The following HERC1 variants were observed in gnomAD, a reference collection of about 807,000 sequenced individuals.
HERC1 encodes HECT and RLD domain containing E3 ubiquitin protein ligase family member 1, also known as probable E3 ubiquitin-protein ligase HERC1.
Under a neutral mutation model 554.3 loss-of-function variants are expected in HERC1, and 160 were observed. That is an observed-to-expected ratio of 0.29 (90% CI 0.25 to 0.33). HERC1 has a LOEUF of 0.33. Ranked by LOEUF, HERC1 falls within the 10% of genes least tolerant of loss-of-function variation. HERC1 has a pLI of 1.00. For missense variants in HERC1, 4,919 were observed against 5,918.5 expected, an observed-to-expected ratio of 0.83 and a Z score of 5.54; for synonymous variants, 2,175 against 2,131.7, an observed-to-expected ratio of 1.02 and a Z score of -0.56.
chr15:63,772,122 CA>C (rs34321094), intron 2 of HERC1, among the ~76,000 whole-genome samples: 87 of 129,468 alleles, frequency 6.7e-4, no homozygotes, highest in Admixed American at 1.2e-3. Flanking sequence ...AACTCCATCT[CA>C]AAAAAAAAAA....
intron 12 of HERC1, among the ~76,000 whole-genome samples, chr15:63,736,050 C>T (rs996922867): frequency 6.6e-6 from 1 of 152,004 alleles, no homozygotes; most frequent in Non-Finnish European, 1.5e-5. Flanking sequence ...GTCAAAAAGA[C>T]CCCCCTCCCC....
At chr15:63,732,206 G>A (rs1239840236) in intron 14 of HERC1, among the ~76,000 whole-genome samples, 3 of 151,996 alleles carry the variant, frequency 2.0e-5, no homozygotes, top group African/African-American at 7.3e-5. Context: ...TCACCATATC[G>A]GCCAGGCTGG....
intron 64 of HERC1, 109 bp from the exon 65 acceptor site, chr15:63,636,251 G>T: frequency 7.3e-6 from 6 of 817,636 alleles, no homozygotes; most frequent in Non-Finnish European, 1.1e-5. Context: ...TTGGTACTAT[G>T]AAAATAAGAA....
At chr15:63,825,805 C>A (rs1339123203) in intron 1 of HERC1, among the ~76,000 whole-genome samples, 3 of 151,946 alleles carry the variant, frequency 2.0e-5, no homozygotes, top group African/African-American at 7.3e-5. Flanking sequence ...GTTCTTGTCC[C>A]CCAGGCTGAG....
chr15:63,708,668 A>T (rs1291661796), intron 24 of HERC1, among the ~76,000 whole-genome samples: 1 of 152,258 alleles, frequency 6.6e-6, no homozygotes, highest in African/African-American at 2.4e-5. Flanking sequence ...TAAAACAAAG[A>T]TTTAACATTA....
At chr15:63,820,571 G>A (rs1368734277) in intron 1 of HERC1, among the ~76,000 whole-genome samples, 4 of 152,016 alleles carry the variant, frequency 2.6e-5, no homozygotes, top group African/African-American at 9.7e-5. Context: ...TATGGTACAG[G>A]GACTAAGGTC....
intron 12 of HERC1, among the ~76,000 whole-genome samples, chr15:63,744,578 T>C (rs780216121): frequency 6.6e-6 from 1 of 152,158 alleles, no homozygotes; most frequent in Non-Finnish European, 1.5e-5. Flanking sequence ...TCTTTTTCAC[T>C]TGTGCCTCCC....
intron 40 of HERC1, among the ~76,000 whole-genome samples, chr15:63,668,703 G>A (rs2070759620): frequency 6.6e-6 from 1 of 152,096 alleles, no homozygotes; most frequent in South Asian, 2.1e-4. Flanking sequence ...CATAATAACA[G>A]AAGGTCTATT....
chr15:63,683,590 A>T (rs1249664413), intron 34 of HERC1, among the ~76,000 whole-genome samples: 2 of 152,218 alleles, frequency 1.3e-5, no homozygotes, highest in Admixed American at 6.5e-5. Flanking sequence ...AGAGCTTAGA[A>T]AAGCCTTGTT....
At chr15:63,642,334 TGAGA>T (rs1361148905) in intron 59 of HERC1, among the ~76,000 whole-genome samples, 3 of 152,190 alleles carry the variant, frequency 2.0e-5, no homozygotes, top group Non-Finnish European at 4.4e-5. Flanking sequence ...AAAAATTGTT[TGAGA>T]GAGTTTTTTT....
Position 63,734,552 on chromosome 15 carries a change from C to A in HERC1, c.2646+172G>T. ...AGCCCCAAATAACTTAATAAATTAT[C>A]ACTTGCTTCACCTAAGGTTGTTAAG... On this transcript the variant is annotated intron_variant, in intron 13 of 77. Transcript: ENST00000443617. The surrounding 1 kb of genome is among the most constrained non-coding windows in gnomAD (Gnocchi z 4.6). The A allele has an allele frequency of 2.2e-6, 1 of 447,034 alleles. No individual in the cohort carries two copies. Among genetic ancestry groups the A allele is most frequent in the Non-Finnish European group, 3.9e-6 (1 of 256,140 alleles). 27.7% of individuals were successfully genotyped at this position (447,034 alleles called of 1,614,324 possible).
Position 63,833,920 on chromosome 15 carries a change from AG to A in HERC1, c.-121del, listed in dbSNP as rs2078263899. On this transcript the variant is annotated 5_prime_UTR_variant, in exon 1 of 78. Coordinates refer to ENST00000443617, the MANE Select transcript of HERC1 (RefSeq NM_003922.4). ...CGGTCGCGTCCTTTATTTTTGCTGC[AG>A]CAGCAGCGACTTGTCAAAGGGAAAG... The A allele has an allele frequency of 6.5e-6, 1 of 152,700 alleles. No individual in the cohort carries two copies. The highest frequency in any genetic ancestry group is 1.9e-4 in the South Asian group (1 of 5,170). The allele number at this position is 152,700 out of a possible 1,614,324, so 9.5% of individuals were successfully genotyped here.
Position 63,756,200 on chromosome 15 carries a change from G to C in HERC1, c.1533+237C>G, listed in dbSNP as rs2075415382. On this transcript the variant is annotated intron_variant, in intron 5 of 77. Coordinates refer to ENST00000443617, the MANE Select transcript of HERC1 (RefSeq NM_003922.4). This position sits in a 1 kb window ranked among gnomAD's most constrained non-coding sequence, Gnocchi z 5.0. ...TTGTTAAATGAATGACTCTCAGTTT[G>C]CTTATCTGTGAAATAGGGATAATAA... 6.6e-6 allele frequency among the ~76,000 whole-genome samples: 1 copy of C among 152,106 alleles called. No individual in the cohort carries two copies. Among genetic ancestry groups the C allele is most frequent in the African/African-American group, 2.4e-5 (1 of 41,422 alleles).
chr15:63,723,249 T>C lies in HERC1; in HGVS notation c.3675A>G (p.Ala1225=). ...GGGCAGGCTCTTTAGAACAACCCAA[T>C]GCCAAGTCTACATAGACAGCAATTT... ...RPEIAVYVDL[A]LGCSKEPARS... Residue 1225 remains alanine (A), a synonymous_variant, in exon 19 of 78, where the codon GCA becomes GCG. Coordinates refer to ENST00000443617, the MANE Select transcript of HERC1 (RefSeq NM_003922.4). The C allele has an allele frequency of 1.9e-6, 3 of 1,600,456 alleles. No homozygotes were observed. The South Asian group carries it at 3.4e-5, about 18-fold the overall frequency.
At chr15:63,696,975 T>C (rs2072454602) in intron 26 of HERC1, among the ~76,000 whole-genome samples, 1 of 151,562 alleles carries the variant, frequency 6.6e-6, no homozygotes, top group African/African-American at 2.4e-5. Context: ...ATTTTAGATA[T>C]ACAGAAAAGT....
chr15:63,789,666 C>T (rs997058141), intron 1 of HERC1, among the ~76,000 whole-genome samples: 3 of 151,496 alleles, frequency 2.0e-5, no homozygotes, highest in African/African-American at 7.3e-5. Flanking sequence ...GGCGTTGTGG[C>T]GGGCACCTGT....
In HERC1 at chr15:63,667,326, T is replaced by C. The variant is rs1030211359; in HGVS notation, c.8207-854A>G. Among the ~76,000 whole-genome samples the C allele has an allele frequency of 4.6e-5, 7 of 152,290 alleles. No individual in the cohort carries two copies. In the East Asian group the frequency reaches 1.3e-3, roughly 29 times the overall value. ...TCATAATAACCTTTTAGAACATAAC[T>C]ATTGCTAATAATGAGAATCAACTAT... On this transcript the variant is annotated intron_variant, in intron 40 of 77. Transcript: ENST00000443617.
chr15:63,643,271 T>A, intron 58 of HERC1, 133 bp downstream of exon 58: 5 of 894,000 alleles, frequency 5.6e-6, no homozygotes, highest in Non-Finnish European at 8.4e-6. Flanking sequence ...GGGCAGAGGA[T>A]TCTGAAAGAA....
intron 53 of HERC1, among the ~76,000 whole-genome samples, chr15:63,650,691 A>C (rs1204061436): frequency 6.6e-6 from 1 of 152,222 alleles, no homozygotes; most frequent in Non-Finnish European, 1.5e-5. Context: ...CTTTCTCAAC[A>C]ATTACTGATA....
Sources: allele counts gnomAD v4.1 joint callset (sites outside exome capture counted in the v4.1 genomes callset), GRCh38; gene constraint gnomAD v4.1.1; non-coding constraint Gnocchi (gnomAD v3.1); transcripts MANE v1.5; gene names NCBI Gene and HGNC (gene_info 2026-07-23, HGNC 2026-07-21).